Variants in FAM161A observed in about 807,000 individuals in gnomAD.
The protein encoded by FAM161A is FAM161 centrosomal protein A.
A neutral mutation model predicts 70.9 loss-of-function variants in FAM161A; 57 were observed. That is an observed-to-expected ratio of 0.80 (90% CI 0.65 to 1.00). The LOEUF (loss-of-function observed/expected upper bound fraction) is 1.00. Ranked by LOEUF, FAM161A falls within the 50% of genes least tolerant of loss-of-function variation. FAM161A has a pLI of 0.00. For missense variants in FAM161A, 880 were observed against 836.0 expected (o/e 1.05, Z -0.65); for synonymous variants, 299 against 295.7 (o/e 1.01, Z -0.12).
chr2:61,832,047 C>T (rs932499001), intron 5 of FAM161A, among the ~76,000 whole-genome samples: 3 of 152,006 alleles, frequency 2.0e-5, no homozygotes, highest in African/African-American at 7.3e-5. Flanking sequence ...AGCTTAAGAC[C>T]AGCATGGACA....
the FAM161A span, among the ~76,000 whole-genome samples, chr2:61,811,635 AG>A: frequency 6.6e-6 from 1 of 152,026 alleles, no homozygotes; most frequent in Non-Finnish European, 1.5e-5. Flanking sequence ...GGCCTCCCAA[AG>A]TGCTGGGATT....
At chr2:61,837,489 C>A (rs1672815826) in intron 4 of FAM161A, among the ~76,000 whole-genome samples, 1 of 152,144 alleles carries the variant, frequency 6.6e-6, no homozygotes, top group Admixed American at 6.5e-5. Flanking sequence ...AAGCTATTGT[C>A]CAGGCACGGT....
the FAM161A span, chr2:61,803,378 C>T: frequency 2.9e-6 from 2 of 698,758 alleles, no homozygotes; most frequent in African/African-American, 1.8e-5. Context: ...AAGAAAAAGA[C>T]CTCAAGAAAG....
At chr2:61,827,322 T>A (rs1672406346) in intron 5 of FAM161A, 64 bp from the exon 6 acceptor site, 2 of 1,564,402 alleles carry the variant, frequency 1.3e-6, no homozygotes, top group Non-Finnish European at 1.7e-6. Flanking sequence ...CAAAAATGTA[T>A]AGATTAGGCC....
Position 61,842,486 on chromosome 2 carries a change from G to C in FAM161A, c.184-126C>G, listed in dbSNP as rs1673054817. The C allele has an allele frequency of 9.6e-6, 6 of 627,418 alleles. No homozygotes were observed. The South Asian group carries it at 1.2e-4, about 13-fold the overall frequency. 38.9% of individuals were successfully genotyped at this position (627,418 alleles called of 1,614,324 possible). A position where few individuals can be genotyped will look rare whatever the true frequency, so the allele number is the denominator to read the frequency against. On this transcript the variant is annotated intron_variant, in intron 1 of 6. Coordinates refer to ENST00000404929, the MANE Select transcript of FAM161A (RefSeq NM_001201543.2). ...AGGTTATACATTAATTATGGGCTATGCATATAGAATGAGTTATAGGTTATT... is the reference window on the plus strand; with the variant it reads ...AGGTTATACATTAATTATGGGCTATCCATATAGAATGAGTTATAGGTTATT...
At chr2:61,841,715 G>A (rs1673026368) in intron 2 of FAM161A, among the ~76,000 whole-genome samples, 1 of 152,162 alleles carries the variant, frequency 6.6e-6, no homozygotes. Flanking sequence ...TCTTGAAATT[G>A]CAGACTATTT....
chr2:61,803,534 G>C, the FAM161A span: 197 of 493,130 alleles, frequency 4.0e-4, 3 homozygotes, highest in East Asian at 6.6e-3. Flanking sequence ...AGATTAATAA[G>C]GCCGGGCGCA....
At chr2:61,850,962 C>T (rs1673477364) in intron 1 of FAM161A, among the ~76,000 whole-genome samples, 1 of 152,168 alleles carries the variant, frequency 6.6e-6, no homozygotes. Context: ...GCAACCTCCA[C>T]CTCTCGGGTT....
chr2:61,804,510 C>T, the FAM161A span, among the ~76,000 whole-genome samples: 1 of 151,950 alleles, frequency 6.6e-6, no homozygotes, highest in East Asian at 1.9e-4. Context: ...CACGGTGAAA[C>T]CCCGTCTCTA....
the FAM161A span, among the ~76,000 whole-genome samples, chr2:61,818,308 G>A: frequency 7.9e-5 from 12 of 151,990 alleles, no homozygotes; most frequent in African/African-American, 1.2e-4. Context: ...CACCCGCCTC[G>A]GTCTCCCAAA....
chr2:61,836,028 T>C lies in FAM161A; in HGVS notation c.1833A>G (p.Leu611=), dbSNP rs1456341812. Reference sequence around the variant, plus strand: ...ACACAACCTGAGCAACTCTTTCAAATAGCAGTGGCCTCTTTTTTAATTTTT... The same window carrying C: ...ACACAACCTGAGCAACTCTTTCAAACAGCAGTGGCCTCTTTTTTAATTTTT... ...REEKLKKRPL[L]FERVAQKNAR... The change falls in exon 5 of 7, where the codon CTA becomes CTG. Residue 611 remains leucine (L), a synonymous_variant. Coordinates refer to ENST00000404929, the MANE Select transcript of FAM161A (RefSeq NM_001201543.2). 1 of 1,607,672 alleles carries C rather than the reference T, an allele frequency of 6.2e-7. No homozygotes were observed. Among genetic ancestry groups the C allele is most frequent in the Non-Finnish European group, 8.5e-7 (1 of 1,176,064 alleles).
rs113590889 is a variant in FAM161A, at chr2:61,843,922, T to A, written c.184-1562A>T. 4.6e-3 allele frequency among the ~76,000 whole-genome samples: 703 copies of A among 152,146 alleles called. 7 individuals carry two copies. Among genetic ancestry groups the A allele is most frequent in the African/African-American group, 0.016 (658 of 41,510 alleles). ...ACTTTGGGAGGCCGAGGCAGGTGGA[T>A]CACGAGGTCAGGAGATTGAGACAAT... is the stretch of plus-strand genomic sequence containing the variant. On this transcript the variant is annotated intron_variant, in intron 1 of 6. Transcript: ENST00000404929.
downstream of FAM161A, among the ~76,000 whole-genome samples, chr2:61,821,517 T>C (rs141061924): frequency 5.1e-4 from 78 of 152,298 alleles, 2 homozygotes; most frequent in East Asian, 0.013. Context: ...ATCTGATTTC[T>C]TAACTAGAAA....
At chr2:61,840,898 C>G (rs770174095) in intron 2 of FAM161A, among the ~76,000 whole-genome samples, 6 of 152,154 alleles carry the variant, frequency 3.9e-5, no homozygotes, top group Admixed American at 2.0e-4. Flanking sequence ...GATCTGCCTG[C>G]CTCCGCCTCC....
rs1028655585 is a variant in FAM161A at position 61,825,259 on chromosome 2, T to G, written c.*1196A>C. On this transcript the variant is annotated 3_prime_UTR_variant, in exon 7 of 7. Coordinates refer to ENST00000404929, the MANE Select transcript of FAM161A (RefSeq NM_001201543.2). ...TAGATTTATAAAATCAGATTAACAC[T>G]GTACACAGAGAGATAAAGTGTGTTG... 25 of 453,608 alleles carry G rather than the reference T, an allele frequency of 5.5e-5. No individual in the cohort carries two copies. The highest frequency in any genetic ancestry group is 6.8e-4 in the Middle Eastern group (1 of 1,466). The allele number at this position is 453,608 out of a possible 1,614,324, so 28.1% of individuals were successfully genotyped here.
chr2:61,836,787 TG>T, intron 4 of FAM161A: 1 of 181,464 alleles, frequency 5.5e-6, no homozygotes, highest in Non-Finnish European at 1.2e-5. Context: ...TTGGCCAGGC[TG>T]GTCTTGAACT....
the FAM161A span, among the ~76,000 whole-genome samples, chr2:61,810,615 C>T: frequency 6.6e-6 from 1 of 151,864 alleles, no homozygotes; most frequent in African/African-American, 2.4e-5. Flanking sequence ...TGCATCACCA[C>T]ACCCGGCTAA....
the FAM161A span, among the ~76,000 whole-genome samples, chr2:61,818,535 C>G: frequency 6.6e-6 from 1 of 152,118 alleles, no homozygotes; most frequent in South Asian, 2.1e-4. Flanking sequence ...CACAAACCAG[C>G]TTGTAGGGGC....
chr2:61,836,865 C>A, intron 4 of FAM161A: 1 of 236,382 alleles, frequency 4.2e-6, no homozygotes. Context: ...TGAGCCATTG[C>A]GCCTGGCCTA....
Sources: gnomAD v4.1 joint callset for allele counts (sites outside exome capture counted in the v4.1 genomes callset) on GRCh38, gnomAD v4.1.1 for gene constraint, MANE v1.5 for transcripts, NCBI Gene and HGNC (gene_info 2026-07-23, HGNC 2026-07-21) for gene names.